Variants in MAPK10 observed in about 807,000 individuals in gnomAD.
MAPK10 encodes mitogen-activated protein kinase 10, also known as JNK3 alpha protein kinase.
In MAPK10, 25 loss-of-function variants were observed where a neutral mutation model predicts 59.3. The observed-to-expected ratio is 0.42, with a 90% CI of 0.31 to 0.59. The LOEUF (loss-of-function observed/expected upper bound fraction) is 0.59. Among genes scored for constraint, MAPK10 ranks in the 20% least tolerant of loss-of-function variants. MAPK10 has a pLI of 0.15. For missense variants in MAPK10, 351 were observed against 568.9 expected (o/e 0.62, Z 3.90); for synonymous variants, 190 against 200.5 (o/e 0.95, Z 0.44).
chr4:86,046,537 T>G (rs930811370), intron 11 of MAPK10, among the ~76,000 whole-genome samples: 8 of 152,122 alleles, frequency 5.3e-5, no homozygotes, highest in African/African-American at 1.9e-4. Context: ...GGAAGCACAG[T>G]ATATAGTACA....
intron 4 of MAPK10, among the ~76,000 whole-genome samples, chr4:86,153,445 T>C (rs987403416): frequency 1.3e-5 from 2 of 152,158 alleles, no homozygotes; most frequent in Non-Finnish European, 2.9e-5. Flanking sequence ...TCAGAATAAA[T>C]GTCCACAAAA....
intron 4 of MAPK10, among the ~76,000 whole-genome samples, chr4:86,110,452 A>G (rs1216025612): frequency 6.6e-6 from 1 of 152,172 alleles, no homozygotes; most frequent in Non-Finnish European, 1.5e-5. Flanking sequence ...ATGGCTGGTC[A>G]GTTTTCCCAG....
chr4:86,168,261 T>C (rs1292705003), intron 3 of MAPK10, among the ~76,000 whole-genome samples: 2 of 152,200 alleles, frequency 1.3e-5, no homozygotes, highest in Non-Finnish European at 2.9e-5. Flanking sequence ...GGGTGAGGCA[T>C]TGCCTCACTC....
At chr4:86,296,394 C>A (rs562022492) in intron 2 of MAPK10, among the ~76,000 whole-genome samples, 1 of 151,956 alleles carries the variant, frequency 6.6e-6, no homozygotes, top group Non-Finnish European at 1.5e-5. Context: ...TGAAAGGAAC[C>A]AATCCTGGGT....
upstream of MAPK10, among the ~76,000 whole-genome samples, chr4:86,457,382 T>C (rs1429579561): frequency 1.3e-5 from 2 of 152,196 alleles, no homozygotes; most frequent in Non-Finnish European, 2.9e-5. Context: ...TGTTTGCTGA[T>C]GATGTGATTG....
At chr4:86,071,712 C>T (rs1244281332) in intron 9 of MAPK10, among the ~76,000 whole-genome samples, 5 of 151,294 alleles carry the variant, frequency 3.3e-5, no homozygotes, top group Non-Finnish European at 7.4e-5. Flanking sequence ...AGGTATGCGG[C>T]GTTATTTCTG....
intron 1 of MAPK10, among the ~76,000 whole-genome samples, chr4:86,438,717 A>AT (rs1475269413): frequency 6.7e-6 from 1 of 150,262 alleles, no homozygotes; most frequent in Non-Finnish European, 1.5e-5. Context: ...ACATGCAAGG[A>AT]TTTTTTGGGA....
intron 1 of MAPK10, among the ~76,000 whole-genome samples, chr4:86,503,863 A>G (rs1755512248): frequency 6.6e-6 from 1 of 152,006 alleles, no homozygotes; most frequent in African/African-American, 2.4e-5. Flanking sequence ...TTAATTATTC[A>G]TCTCCCTAAT....
intron 1 of MAPK10, 94 bp from the exon 2 acceptor site, chr4:86,354,738 CTGGG>C: frequency 2.3e-6 from 1 of 425,716 alleles, no homozygotes; most frequent in Non-Finnish European, 4.0e-6. Context: ...CAGTTGGTTA[CTGGG>C]TGGGTGAGTG....
chr4:86,180,494 A>G (rs1276135804), intron 3 of MAPK10, among the ~76,000 whole-genome samples: 4 of 135,744 alleles, frequency 2.9e-5, no homozygotes, highest in Non-Finnish European at 6.2e-5. Flanking sequence ...TTCATCAAAA[A>G]AAAAAAAAAG....
chr4:86,084,842 C>T (rs1313057295), intron 9 of MAPK10, among the ~76,000 whole-genome samples: 1 of 152,106 alleles, frequency 6.6e-6, no homozygotes, highest in Non-Finnish European at 1.5e-5. Flanking sequence ...TACCTGACTT[C>T]AAATTATACT....
chr4:86,474,216 A>G (rs1384079143), intron 1 of MAPK10, among the ~76,000 whole-genome samples: 3 of 152,194 alleles, frequency 2.0e-5, no homozygotes, highest in African/African-American at 7.2e-5. Flanking sequence ...TTAGAAATGA[A>G]TAAAGTAGCT....
intron 4 of MAPK10, among the ~76,000 whole-genome samples, chr4:86,154,439 A>T (rs2067199376): frequency 6.6e-6 from 1 of 152,146 alleles, no homozygotes; most frequent in Non-Finnish European, 1.5e-5. Flanking sequence ...ATTTTATTAA[A>T]TCCCATGCTC....
intron 1 of MAPK10, among the ~76,000 whole-genome samples, chr4:86,548,292 C>T (rs2149098600): frequency 6.6e-6 from 1 of 152,200 alleles, no homozygotes; most frequent in African/African-American, 2.4e-5. Flanking sequence ...GACCGCGAAC[C>T]CCACCAGAAG....
intron 1 of MAPK10, among the ~76,000 whole-genome samples, chr4:86,471,484 C>G (rs1023771072): frequency 6.6e-6 from 1 of 151,970 alleles, no homozygotes; most frequent in Non-Finnish European, 1.5e-5. Flanking sequence ...AATAATTGGC[C>G]TCTCATGTTT....
intron 1 of MAPK10, among the ~76,000 whole-genome samples, chr4:86,418,660 A>G (rs1746144581): frequency 1.3e-5 from 2 of 152,242 alleles, no homozygotes; most frequent in Non-Finnish European, 2.9e-5. Context: ...GACCTATTCA[A>G]GAAGTCTTCA....
intron 13 of MAPK10, chr4:86,027,942 T>C (rs1751189220): frequency 6.6e-6 from 1 of 152,218 alleles, no homozygotes; most frequent in South Asian, 2.1e-4. Context: ...GAACTGAAGA[T>C]GAATAGAATA....
chr4:86,517,969 C>G (rs1223193080), intron 1 of MAPK10, among the ~76,000 whole-genome samples: 3 of 152,078 alleles, frequency 2.0e-5, no homozygotes, highest in African/African-American at 7.2e-5. Context: ...TGTTATTGCT[C>G]TGTTCAGAGT....
chr4:86,101,378 C>T (rs1201429165), intron 7 of MAPK10, 161 bp from the exon 8 acceptor site: 3 of 529,018 alleles, frequency 5.7e-6, no homozygotes, highest in Non-Finnish European at 1.0e-5. Context: ...AATAAGTTAA[C>T]TATTAGTTTT....
Sources: gnomAD v4.1 joint callset for allele counts (sites outside exome capture counted in the v4.1 genomes callset) on GRCh38, gnomAD v4.1.1 for gene constraint, MANE v1.5 for transcripts, NCBI Gene and HGNC (gene_info 2026-07-23, HGNC 2026-07-21) for gene names.